Variants in IL1RAPL1 observed in about 807,000 individuals in gnomAD.
IL1RAPL1 encodes the protein interleukin 1 receptor accessory protein like 1.
A neutral mutation model predicts 48.4 loss-of-function variants in IL1RAPL1; 3 were observed. The observed-to-expected ratio is 0.06, with a 90% CI of 0.03 to 0.16. IL1RAPL1 has a LOEUF of 0.16. Ranked by LOEUF, IL1RAPL1 falls within the 10% of genes least tolerant of loss-of-function variation. IL1RAPL1 has a pLI of 1.00. For missense variants in IL1RAPL1, 349 were observed against 530.6 expected (o/e 0.66, Z 3.36); for synonymous variants, 185 against 187.7 (o/e 0.99, Z 0.12).
chrX:29,642,198 T>G (rs1925186763), intron 5 of IL1RAPL1, among the ~76,000 whole-genome samples: 1 of 112,536 alleles, frequency 8.9e-6, no homozygotes, highest in South Asian at 3.7e-4. Flanking sequence ...TCATGTTTCC[T>G]TTTCCTCCTT....
chrX:29,267,566 G>A (rs1435978148), intron 2 of IL1RAPL1, among the ~76,000 whole-genome samples: 1 of 111,041 alleles, frequency 9.0e-6, no homozygotes, highest in Non-Finnish European at 1.9e-5. Context: ...TCTGAGCTGC[G>A]TTGTTTTTCT....
intron 1 of IL1RAPL1, among the ~76,000 whole-genome samples, chrX:28,699,996 C>T (rs1237619811): frequency 9.0e-6 from 1 of 111,169 alleles, no homozygotes; most frequent in Non-Finnish European, 1.9e-5. Flanking sequence ...TTAGGTCTTA[C>T]AAAACCTGAC....
At chrX:28,798,910 C>T (rs191517166) in intron 2 of IL1RAPL1, among the ~76,000 whole-genome samples, 16 of 111,878 alleles carry the variant, frequency 1.4e-4, no homozygotes, top group African/African-American at 5.2e-4. Flanking sequence ...TGCTTTGGAT[C>T]TTAAGAACAT....
intron 5 of IL1RAPL1, among the ~76,000 whole-genome samples, chrX:29,444,340 T>TAAAAAA (rs1285478144): frequency 1.5e-5 from 1 of 67,254 alleles, no homozygotes; most frequent in East Asian, 4.1e-4. Flanking sequence ...AGACTCTGTC[T>TAAAAAA]AAAAAAAAAA....
chrX:29,790,900 C>T (rs1929612925), intron 6 of IL1RAPL1, among the ~76,000 whole-genome samples: 1 of 111,922 alleles, frequency 8.9e-6, no homozygotes, highest in Non-Finnish European at 1.9e-5. Context: ...ATCATGGCCG[C>T]CTAAGGCCAG....
At chrX:29,483,301 G>T (rs1210188106) in intron 5 of IL1RAPL1, among the ~76,000 whole-genome samples, 2 of 111,510 alleles carry the variant, frequency 1.8e-5, no homozygotes, top group African/African-American at 6.5e-5. Flanking sequence ...GAATTAAAAT[G>T]GGCAAAGGCT....
chrX:29,559,546 T>C (rs1027299539), intron 5 of IL1RAPL1, among the ~76,000 whole-genome samples: 1 of 111,914 alleles, frequency 8.9e-6, no homozygotes, highest in African/African-American at 3.2e-5. Flanking sequence ...TCTTAATGAT[T>C]CAGTCTTGGT....
At chrX:29,917,840 C>T (rs923406050) in intron 7 of IL1RAPL1, among the ~76,000 whole-genome samples, 5 of 108,594 alleles carry the variant, frequency 4.6e-5, no homozygotes, top group East Asian at 5.8e-4. Context: ...ATACTGAGTG[C>T]GGCTGGGGGT....
intron 2 of IL1RAPL1, among the ~76,000 whole-genome samples, chrX:29,043,596 A>T (rs1348333059): frequency 1.8e-5 from 2 of 111,423 alleles, no homozygotes; most frequent in Non-Finnish European, 3.8e-5. Context: ...GCATGTCTTC[A>T]TTTGGGCATG....
chrX:28,880,398 G>A (rs1381678059), intron 2 of IL1RAPL1, among the ~76,000 whole-genome samples: 1 of 111,934 alleles, frequency 8.9e-6, no homozygotes, highest in East Asian at 2.8e-4. Flanking sequence ...CTTAGTGTTG[G>A]GAATCTCACT....
chrX:29,215,409 A>T (rs984525863), intron 2 of IL1RAPL1, among the ~76,000 whole-genome samples: 3 of 111,501 alleles, frequency 2.7e-5, no homozygotes, highest in African/African-American at 9.8e-5. Context: ...ATAGATATAA[A>T]TTGTGTAATG....
At chrX:29,346,966 G>A in intron 3 of IL1RAPL1, among the ~76,000 whole-genome samples, 1 of 111,953 alleles carries the variant, frequency 8.9e-6, no homozygotes. Flanking sequence ...CAACTACACT[G>A]TACCAGATTT....
chrX:29,725,973 C>T (rs1364830501), intron 6 of IL1RAPL1, among the ~76,000 whole-genome samples: 1 of 112,055 alleles, frequency 8.9e-6, no homozygotes, highest in South Asian at 3.7e-4. Context: ...TAAACACACA[C>T]GCAGTACTGG....
intron 2 of IL1RAPL1, among the ~76,000 whole-genome samples, chrX:29,139,990 G>A (rs944009101): frequency 7.2e-5 from 8 of 111,465 alleles, no homozygotes; most frequent in African/African-American, 1.3e-4. Flanking sequence ...TTCGCTCATG[G>A]TTCTGCAGGT....
intron 6 of IL1RAPL1, among the ~76,000 whole-genome samples, chrX:29,747,710 A>G (rs1246925410): frequency 8.9e-6 from 1 of 112,898 alleles, no homozygotes; most frequent in African/African-American, 3.2e-5. Context: ...AATCACCTCT[A>G]ATTGTAAAAA....
chrX:29,054,441 G>A (rs1471085407), intron 2 of IL1RAPL1, among the ~76,000 whole-genome samples: 2 of 110,495 alleles, frequency 1.8e-5, no homozygotes, highest in African/African-American at 3.3e-5. Flanking sequence ...TCTGCATATC[G>A]CTTACCACCA....
intron 3 of IL1RAPL1, among the ~76,000 whole-genome samples, chrX:29,284,536 A>T (rs1051647854): frequency 1.8e-5 from 2 of 111,975 alleles, no homozygotes; most frequent in Non-Finnish European, 3.8e-5. Flanking sequence ...TTAGGCGAGG[A>T]GTTCGAGACC....
chrX:28,979,832 A>G (rs1472310419), intron 2 of IL1RAPL1, among the ~76,000 whole-genome samples: 1 of 111,911 alleles, frequency 8.9e-6, no homozygotes, highest in African/African-American at 3.2e-5. Flanking sequence ...ATTTTTTAAA[A>G]AGCCTATTAA....
intron 1 of IL1RAPL1, among the ~76,000 whole-genome samples, chrX:28,735,938 A>G (rs1011328133): frequency 9.0e-6 from 1 of 111,481 alleles, no homozygotes; most frequent in Non-Finnish European, 1.9e-5. Context: ...TGGGTAAGGA[A>G]TGTGGAATGT....
Sources: gnomAD v4.1 joint callset for allele counts (sites outside exome capture counted in the v4.1 genomes callset) on GRCh38, gnomAD v4.1.1 for gene constraint, MANE v1.5 for transcripts, NCBI Gene and HGNC (gene_info 2026-07-23, HGNC 2026-07-21) for gene names.